ZFHX4: variants seen among roughly 807,000 people sequenced by gnomAD.
ZFHX4 encodes the protein zinc finger homeobox protein 4.
Under a neutral mutation model 267.6 loss-of-function variants are expected in ZFHX4, and 56 were observed. The ratio of observed to expected loss-of-function variants is 0.21; its 90% CI spans 0.17 to 0.26. ZFHX4 has a LOEUF of 0.26. ZFHX4 is among the 10% of genes least tolerant of loss of function. The probability of loss-of-function intolerance (pLI) is 1.00; values close to 1 mark genes in which losing one functional copy is unlikely to be tolerated. For synonymous variants in ZFHX4, 1,778 were observed against 1,665.6 expected (o/e 1.07, Z -1.64); for missense variants, 4,332 against 4,420.0 (o/e 0.98, Z 0.56).
chr8:76,862,410 G>T (rs2131978535), intron 10 of ZFHX4, among the ~76,000 whole-genome samples: 1 of 152,286 alleles, frequency 6.6e-6, no homozygotes, highest in East Asian at 1.9e-4. Context: ...CAAGTTGTCA[G>T]GATGGTAACA....
At chr8:76,861,181 G>T (rs60850914) in intron 10 of ZFHX4, among the ~76,000 whole-genome samples, 1 of 152,048 alleles carries the variant, frequency 6.6e-6, no homozygotes, top group Non-Finnish European at 1.5e-5. Flanking sequence ...AGTAAAATGT[G>T]TGTACTTGCT....
At chr8:76,730,555 C>G (rs571846910) in intron 3 of ZFHX4, among the ~76,000 whole-genome samples, 1 of 151,960 alleles carries the variant, frequency 6.6e-6, no homozygotes, top group Admixed American at 6.6e-5. Context: ...ATAAATTAGC[C>G]GGGCATGGTG....
intron 4 of ZFHX4, among the ~76,000 whole-genome samples, chr8:76,783,989 T>C (rs550881572): frequency 6.6e-4 from 100 of 152,114 alleles, no homozygotes; most frequent in African/African-American, 2.2e-3. Context: ...GAAGATGAAA[T>C]AATACAATGA....
At chr8:76,703,833 A>T (rs1406340626) in intron 1 of ZFHX4, among the ~76,000 whole-genome samples, 3 of 152,198 alleles carry the variant, frequency 2.0e-5, no homozygotes, top group African/African-American at 4.8e-5. Context: ...AACACCTTGG[A>T]TGTCTAGGCA....
At chr8:76,792,528 G>C (rs1810865210) in intron 4 of ZFHX4, among the ~76,000 whole-genome samples, 1 of 152,164 alleles carries the variant, frequency 6.6e-6, no homozygotes, top group South Asian at 2.1e-4. Flanking sequence ...CACTAATAAA[G>C]ATTATGGTTT....
chr8:76,733,037 T>A (rs1193170172), intron 3 of ZFHX4, among the ~76,000 whole-genome samples: 1 of 152,188 alleles, frequency 6.6e-6, no homozygotes, highest in Non-Finnish European at 1.5e-5. Flanking sequence ...GAATCATATA[T>A]CCCTCTCTGT....
At chr8:76,784,008 C>T (rs1013349243) in intron 4 of ZFHX4, among the ~76,000 whole-genome samples, 1 of 151,694 alleles carries the variant, frequency 6.6e-6, no homozygotes, top group Non-Finnish European at 1.5e-5. Flanking sequence ...GATGGTAATC[C>T]AGCTTTTTAA....
intron 1 of ZFHX4, among the ~76,000 whole-genome samples, chr8:76,681,858 G>A (rs937284185): frequency 6.6e-6 from 1 of 151,138 alleles, no homozygotes; most frequent in Non-Finnish European, 1.5e-5. Flanking sequence ...CCTTTTTTTT[G>A]GCTCAAGGTT....
At chr8:76,749,277 T>C (rs1445534488) in intron 3 of ZFHX4, among the ~76,000 whole-genome samples, 1 of 152,218 alleles carries the variant, frequency 6.6e-6, no homozygotes, top group Non-Finnish European at 1.5e-5. Flanking sequence ...TGAGGTTTCC[T>C]GTCCCAGCTG....
Position 76,707,654 on chromosome 8 carries a change from C to A in ZFHX4, c.2699C>A (p.Ala900Glu), listed in dbSNP as rs775789501. 1.2e-6 allele frequency: 2 copies of A among 1,613,826 alleles called. No homozygotes were observed. The highest frequency in any genetic ancestry group is 3.3e-5 in the Admixed American group (2 of 60,002). Residue 900 changes from alanine (A) to glutamate (E), a missense_variant, in exon 3 of 11, where the codon GCG (alanine) becomes GAG (glutamate). Coordinates refer to ENST00000651372, the MANE Select transcript of ZFHX4 (RefSeq NM_024721.5). ...CTGTCACCTTATATCAGTGACCCAGCGCTGAAGCTATTCCAGTGTGCTGTT... is the reference window on the plus strand; with the variant it reads ...CTGTCACCTTATATCAGTGACCCAGAGCTGAAGCTATTCCAGTGTGCTGTT... ...GELSPYISDP[A>E]LKLFQCAVCN...
rs763206729 is a variant in ZFHX4, at chr8:76,849,573, T to A, written c.3707T>A (p.Val1236Asp). 6.2e-7 allele frequency: 1 copy of A among 1,613,984 alleles called. No individual in the cohort carries two copies. The highest frequency in any genetic ancestry group is 1.7e-5 in the Admixed American group (1 of 60,016). The change falls in exon 8 of 11, where the codon GTC (valine) becomes GAC (aspartate). Residue 1236 changes from valine (V) to aspartate (D), a missense_variant. Physicochemically the swap from Val to Asp is radical, Grantham distance 152. Around this residue, in one of 7 missense-constraint regions of ZFHX4, gnomAD observed 1,371 missense variants for 1,423.1 expected, o/e 0.96. Transcript: ENST00000651372. ...GACCAAAGTCGTATCCAGATGCACGTCCTATCACAGCACTCGGTGCAGCCG... is the reference window on the plus strand; with the variant it reads ...GACCAAAGTCGTATCCAGATGCACGACCTATCACAGCACTCGGTGCAGCCG... ...SRDQSRIQMH[V>D]LSQHSVQPVI...
intron 4 of ZFHX4, among the ~76,000 whole-genome samples, chr8:76,830,627 T>C (rs781389494): frequency 2.0e-5 from 3 of 152,172 alleles, no homozygotes; most frequent in Non-Finnish European, 2.9e-5. Flanking sequence ...TTATTGAGGA[T>C]CTAAACATTC....
chr8:76,854,540 T>C lies in ZFHX4; in HGVS notation c.7619T>C (p.Phe2540Ser). The C allele has an allele frequency of 6.2e-7, 1 of 1,613,794 alleles. No homozygotes were observed. The highest frequency in any genetic ancestry group is 1.1e-5 in the South Asian group (1 of 91,066). Residue 2540 changes from phenylalanine (F) to serine (S), a missense_variant, in exon 10 of 11, where the codon TTT (phenylalanine) becomes TCT (serine). Transcript: ENST00000651372. ...ERPMDMPYMI[F>S]DPNNPLMTGQ... ...CCCATGGACATGCCCTACATGATAT[T>C]TGACCCCAACAATCCGCTGATGACT... is the stretch of plus-strand genomic sequence containing the variant.
intron 3 of ZFHX4, among the ~76,000 whole-genome samples, chr8:76,737,965 C>T (rs886184480): frequency 6.6e-6 from 1 of 152,110 alleles, no homozygotes; most frequent in Non-Finnish European, 1.5e-5. Flanking sequence ...ACAGAGATCC[C>T]TCTGGAAGGG....
intron 3 of ZFHX4, among the ~76,000 whole-genome samples, chr8:76,739,592 T>C (rs1385208217): frequency 6.6e-6 from 1 of 152,084 alleles, no homozygotes; most frequent in East Asian, 1.9e-4. Flanking sequence ...AGATAGTTGT[T>C]TAATTGGGCC....
intron 4 of ZFHX4, among the ~76,000 whole-genome samples, chr8:76,794,207 A>C (rs1810912390): frequency 1.3e-5 from 2 of 152,136 alleles, no homozygotes; most frequent in Admixed American, 1.3e-4. Context: ...TAATTTTGAT[A>C]ACTTTTGGGG....
rs1349718729 is a variant in ZFHX4 at position 76,842,778 on chromosome 8, T to G, written c.3511+7T>G. 1 of 1,542,434 alleles carries G rather than the reference T, an allele frequency of 6.5e-7. No homozygotes were observed. Among genetic ancestry groups the G allele is most frequent in the South Asian group, 1.2e-5 (1 of 83,778 alleles). On this transcript the variant is annotated splice_region_variant and intron_variant, in intron 6 of 10. Coordinates refer to ENST00000651372, the MANE Select transcript of ZFHX4 (RefSeq NM_024721.5). ...AACTCTAATAAAGACTCTGGTAAGA[T>G]GCAAGAATCTTTCACCTCGGCATTT...
chr8:76,687,376 T>C (rs1447226777), intron 1 of ZFHX4, among the ~76,000 whole-genome samples: 1 of 152,234 alleles, frequency 6.6e-6, no homozygotes. Flanking sequence ...ATAGTTTCTC[T>C]GCCCCATTTG....
intron 4 of ZFHX4, among the ~76,000 whole-genome samples, chr8:76,786,366 T>C (rs1157008113): frequency 6.6e-6 from 1 of 150,972 alleles, no homozygotes; most frequent in Non-Finnish European, 1.5e-5. Flanking sequence ...AATAGTTTCA[T>C]GTAAAGTATC....
Sources: allele counts gnomAD v4.1 joint callset (sites outside exome capture counted in the v4.1 genomes callset), GRCh38; gene constraint gnomAD v4.1.1; regional missense constraint gnomAD v4.1.1; transcripts MANE v1.5; gene names NCBI Gene and HGNC (gene_info 2026-07-23, HGNC 2026-07-21).